ZNF560: variants seen among roughly 807,000 people sequenced by gnomAD.
ZNF560 encodes the protein zinc finger protein 560.
ZNF560 carries 54 observed loss-of-function variants against 81.8 expected under a neutral mutation model. The observed-to-expected ratio is 0.66, with a 90% confidence interval of 0.53 to 0.83. The LOEUF (loss-of-function observed/expected upper bound fraction) is 0.83, where lower values mean the gene tolerates loss of function less well. ZNF560 is among the 40% of genes least tolerant of loss of function. The probability of loss-of-function intolerance (pLI) is 0.00; values close to 1 mark genes in which losing one functional copy is unlikely to be tolerated. For missense variants in ZNF560, 940 were observed against 932.4 expected, an observed-to-expected ratio of 1.01 and a Z score of -0.11; for synonymous variants, 321 against 317.9, an observed-to-expected ratio of 1.01 and a Z score of -0.10.
upstream of ZNF560, chr19:9,498,654 AGGGGCGT>A (rs2073601682): frequency 6.6e-6 from 1 of 152,308 alleles, no homozygotes; most frequent in Non-Finnish European, 1.5e-5. Context: ...GGGCATTGGA[AGGGGCGT>A]GGCTCGTTGT....
In ZNF560 at chr19:9,488,453, A is replaced by G. The variant is rs1469345723; in HGVS notation, c.-57+9675T>C. On this transcript the variant is annotated intron_variant, in intron 2 of 9. Coordinates refer to ENST00000301480, the MANE Select transcript of ZNF560 (RefSeq NM_152476.3). ...TTCTGAGGAGAAAGCCTTCTGCTTG[A>G]AATTTTTGTGACAATCTCATTTGGT... Among the ~76,000 whole-genome samples, 2 of 152,074 alleles carry G rather than the reference A, an allele frequency of 1.3e-5. 1 individual carries two copies. The highest frequency in any genetic ancestry group is 2.9e-5 in the Non-Finnish European group (2 of 68,024).
chr19:9,486,751 GAAGAAAAGAAAAAA>G (rs1201538061), intron 2 of ZNF560, among the ~76,000 whole-genome samples: 1 of 136,506 alleles, frequency 7.3e-6, no homozygotes, highest in African/African-American at 3.5e-5. Context: ...AAAAAAAAAA[GAAGAAAAGAAAAAA>G]AAAAGAAATA....
At chr19:9,474,114 G>A (rs1443682808) in intron 4 of ZNF560, 85 bp downstream of exon 4, 2 of 1,502,146 alleles carry the variant, frequency 1.3e-6, no homozygotes, top group Admixed American at 3.3e-5. Context: ...TGAATTCAGT[G>A]TTGAACAAAC....
chr19:9,497,127 CA>C (rs936550036), intron 2 of ZNF560, among the ~76,000 whole-genome samples: 340 of 134,520 alleles, frequency 2.5e-3, no homozygotes, highest in African/African-American at 7.1e-3. Context: ...AAAAAACTCT[CA>C]AAAAAAAAAA....
At chr19:9,482,716 G>A (rs1041953545) in intron 2 of ZNF560, among the ~76,000 whole-genome samples, 21 of 141,668 alleles carry the variant, frequency 1.5e-4, no homozygotes, top group East Asian at 2.4e-4. Context: ...ATGCCGAGCC[G>A]AAGCTGGACT....
At chr19:9,486,072 G>A (rs2073379902) in intron 2 of ZNF560, among the ~76,000 whole-genome samples, 1 of 152,312 alleles carries the variant, frequency 6.6e-6, no homozygotes, top group Non-Finnish European at 1.5e-5. Context: ...ATATACAAAA[G>A]AGGAGCCCAA....
In ZNF560 at chr19:9,466,752, C is replaced by A. The variant is rs747315246; in HGVS notation, c.2195G>T (p.Arg732Leu). 8 of 1,614,084 alleles carry A rather than the reference C, an allele frequency of 5.0e-6. No homozygotes were observed. The Admixed American group carries it at 1.0e-4, about 20-fold the overall frequency. The change falls in exon 10 of 10, where the codon CGA (arginine) becomes CTA (leucine). Residue 732 changes from arginine to leucine, a missense_variant. Coordinates refer to ENST00000301480, the MANE Select transcript of ZNF560 (RefSeq NM_152476.3). ...ATAGGGCTTCTCTCCAGTGTGAATT[C>A]GCACATGATTAGTAAGATCTGAATG... is the stretch of plus-strand genomic sequence containing the variant. ...TCHSDLTNHV[R>L]IHTGEKPYKC...
At chr19:9,482,901 G>T (rs1205144372) in intron 2 of ZNF560, among the ~76,000 whole-genome samples, 2 of 152,208 alleles carry the variant, frequency 1.3e-5, no homozygotes, top group Non-Finnish European at 2.9e-5. Flanking sequence ...CTAACCAGGA[G>T]TGACCTGCCA....
chr19:9,462,249 T>A (rs2144677113), downstream of ZNF560, among the ~76,000 whole-genome samples: 1 of 152,328 alleles, frequency 6.6e-6, no homozygotes, highest in East Asian at 1.9e-4. Context: ...TTCACCAGAA[T>A]GAGGGCAAGG....
chr19:9,464,692 T>C (rs917317370), downstream of ZNF560, among the ~76,000 whole-genome samples: 1 of 152,218 alleles, frequency 6.6e-6, no homozygotes, highest in Non-Finnish European at 1.5e-5. Context: ...AAAACAGGAT[T>C]GTCTGAATCC....
chr19:9,472,490 C>T (rs2073138120), intron 5 of ZNF560, among the ~76,000 whole-genome samples: 1 of 152,148 alleles, frequency 6.6e-6, no homozygotes, highest in Non-Finnish European at 1.5e-5. Flanking sequence ...ACTTGATTCT[C>T]ATAAAAGAGC....
At chr19:9,451,877 C>A in the ZNF560 span, among the ~76,000 whole-genome samples, 1 of 152,092 alleles carries the variant, frequency 6.6e-6, no homozygotes, top group East Asian at 1.9e-4. Flanking sequence ...GAGTTCGAGA[C>A]CAGCCTGGCC....
At chr19:9,465,422 G>A (rs950434611), downstream of ZNF560, among the ~76,000 whole-genome samples, 7 of 152,214 alleles carry the variant, frequency 4.6e-5, no homozygotes, top group African/African-American at 1.2e-4. Context: ...ATAGGCATGA[G>A]CCACTGCGCC....
upstream of ZNF560, among the ~76,000 whole-genome samples, chr19:9,500,918 A>C (rs1401684974): frequency 6.6e-6 from 1 of 151,904 alleles, no homozygotes; most frequent in Non-Finnish European, 1.5e-5. Flanking sequence ...GGTTTCATCA[A>C]ATGCCTTTCC....
intron 7 of ZNF560, among the ~76,000 whole-genome samples, chr19:9,470,080 T>C (rs2073097171): frequency 6.6e-6 from 1 of 152,222 alleles, no homozygotes; most frequent in South Asian, 2.1e-4. Flanking sequence ...TTCTGAACTT[T>C]AGAGTGAATT....
At chr19:9,448,819 G>T in the ZNF560 span, among the ~76,000 whole-genome samples, 1 of 151,998 alleles carries the variant, frequency 6.6e-6, no homozygotes, top group African/African-American at 2.4e-5. Flanking sequence ...GACACCCATG[G>T]ACTCAAAAAG....
the ZNF560 span, among the ~76,000 whole-genome samples, chr19:9,455,264 G>A: frequency 6.6e-6 from 1 of 152,166 alleles, no homozygotes; most frequent in Admixed American, 6.5e-5. Flanking sequence ...CTTTCGTGAT[G>A]GGTCTGTCAA....
At chr19:9,446,479 C>T in the ZNF560 span, among the ~76,000 whole-genome samples, 1 of 151,938 alleles carries the variant, frequency 6.6e-6, no homozygotes, top group Non-Finnish European at 1.5e-5. Context: ...GATTCATCCA[C>T]GTTAGGGGGT....
At chr19:9,448,136 A>G in the ZNF560 span, among the ~76,000 whole-genome samples, 37 of 152,278 alleles carry the variant, frequency 2.4e-4, no homozygotes, top group East Asian at 6.8e-3. Context: ...TAGAATAAAC[A>G]TTTCTAGAGA....
Sources: allele counts gnomAD v4.1 joint callset (sites outside exome capture counted in the v4.1 genomes callset), GRCh38; gene constraint gnomAD v4.1.1; transcripts MANE v1.5; gene names NCBI Gene and HGNC (gene_info 2026-07-23, HGNC 2026-07-21).